The following ASAH1 variants were observed in gnomAD, a reference collection of about 807,000 sequenced individuals.
The protein encoded by ASAH1 is acid ceramidase.
Under a neutral mutation model 59.5 loss-of-function variants are expected in ASAH1, and 70 were observed. The ratio of observed to expected loss-of-function variants is 1.18; its 90% CI spans 0.97 to 1.43. The LOEUF (loss-of-function observed/expected upper bound fraction) is 1.43, where lower values mean the gene tolerates loss of function less well. Ranked by LOEUF, ASAH1 falls within the 40% of genes most tolerant of loss-of-function variation. ASAH1 has a pLI of 0.00. For synonymous variants in ASAH1, 213 were observed against 166.5 expected (o/e 1.28, Z -2.15); for missense variants, 660 against 482.5 (o/e 1.37, Z -3.45).
At chr8:18,084,595 C>A, upstream of ASAH1, 1 of 1,593,222 alleles carries the variant, frequency 6.3e-7, no homozygotes, top group South Asian at 1.1e-5. Context: ...ACCGCGGAGT[C>A]AGGGACAAGG....
At chr8:18,084,443 T>G (rs1589013135), upstream of ASAH1, 1 of 1,357,728 alleles carries the variant, frequency 7.4e-7, no homozygotes, top group Non-Finnish European at 9.7e-7. Flanking sequence ...AGCAGGCGGG[T>G]GCAGCCTGTC....
Position 18,071,163 on chromosome 8 carries a change from T to C in ASAH1, c.216+137A>G, listed in dbSNP as rs190242612. 0.014 allele frequency: 4,795 copies of C among 341,262 alleles called. 167 individuals carry two copies. Among genetic ancestry groups the C allele is most frequent in the African/African-American group, 0.078 (3,575 of 45,572 alleles). 21.1% of individuals were successfully genotyped at this position (341,262 alleles called of 1,614,324 possible). ...CGGAGGTTGCGGCGAGCTGAGATCG[T>C]GCCACTGCATTCCAGCCTGGGTGAC... On this transcript the variant is annotated intron_variant, in intron 3 of 13. Transcript: ENST00000637790.
chr8:18,067,058 A>G (rs952486109), intron 5 of ASAH1, 162 bp downstream of exon 5: 9 of 237,770 alleles, frequency 3.8e-5, no homozygotes, highest in African/African-American at 2.2e-4. Context: ...ACATGCATGC[A>G]TGCATTTCTG....
intron 5 of ASAH1, chr8:18,064,748 C>G: frequency 1.9e-6 from 1 of 533,154 alleles, no homozygotes. Flanking sequence ...TTCGGGCGAG[C>G]TGAACATCTG....
chr8:18,074,413 C>T (rs557613163), intron 2 of ASAH1, among the ~76,000 whole-genome samples: 22 of 152,300 alleles, frequency 1.4e-4, no homozygotes, highest in African/African-American at 4.6e-4. Flanking sequence ...TACAGTTTCA[C>T]GCTATCTGGG....
intron 2 of ASAH1, chr8:18,073,236 A>C (rs563366215): frequency 1.3e-6 from 2 of 1,564,806 alleles, no homozygotes; most frequent in African/African-American, 2.7e-5. Context: ...ATTTCCCCAT[A>C]AGAATAAAAG....
chr8:18,084,895 G>A (rs1800834873), upstream of ASAH1: 3 of 1,542,188 alleles, frequency 1.9e-6, no homozygotes, highest in Non-Finnish European at 2.6e-6. Context: ...GCTCGGCAGG[G>A]GGACTCGCTT....
chr8:18,075,434 C>G, intron 2 of ASAH1, 107 bp downstream of exon 2: 1 of 1,198,088 alleles, frequency 8.3e-7, no homozygotes, highest in Non-Finnish European at 1.2e-6. Flanking sequence ...GAATGGGAAA[C>G]ATGACTTAAG....
intron 12 of ASAH1, 79 bp downstream of exon 12, chr8:18,059,262 A>T: frequency 1.2e-6 from 2 of 1,602,776 alleles, no homozygotes; most frequent in Admixed American, 3.3e-5. Context: ...AAATTACTTG[A>T]AGGCCAAAGA....
At chr8:18,067,059 T>C (rs1328892391) in intron 5 of ASAH1, 161 bp downstream of exon 5, 1 of 230,352 alleles carries the variant, frequency 4.3e-6, no homozygotes, top group Non-Finnish European at 9.6e-6. Flanking sequence ...CATGCATGCA[T>C]GCATTTCTGA....
At chr8:18,067,143 A>ATATCTAAGACAAACAGCACCTGAGC in intron 5 of ASAH1, 77 bp downstream of exon 5, 1 of 1,321,252 alleles carries the variant, frequency 7.6e-7, no homozygotes, top group Non-Finnish European at 1.1e-6. Flanking sequence ...CCTGTGCTGT[A>ATATCTAAGACAAACAGCACCTGAGC]TGTATATCAC....
At chr8:18,058,781 A>G in intron 13 of ASAH1, 54 bp downstream of exon 13, 1 of 1,469,364 alleles carries the variant, frequency 6.8e-7, no homozygotes, top group Admixed American at 1.7e-5. Context: ...AAGATAAAAC[A>G]TAGGGCCAAA....
At chr8:18,071,680 T>C (rs947520460) in intron 2 of ASAH1, among the ~76,000 whole-genome samples, 4 of 150,694 alleles carry the variant, frequency 2.7e-5, no homozygotes, top group Non-Finnish European at 4.4e-5. Flanking sequence ...CTAACCTGAT[T>C]ATCACTGACG....
At chr8:18,059,181 T>C in intron 12 of ASAH1, 160 bp downstream of exon 12, 1 of 1,174,192 alleles carries the variant, frequency 8.5e-7, no homozygotes, top group Non-Finnish European at 1.2e-6. Flanking sequence ...TTTTGCTCTT[T>C]AAGTTAAGAA....
At chr8:18,082,622 A>C (rs572756705) in intron 1 of ASAH1, 11 of 152,302 alleles carry the variant, frequency 7.2e-5, no homozygotes, top group African/African-American at 2.6e-4. Context: ...TTCTAACAGC[A>C]TTCTATCTAC....
intron 2 of ASAH1, among the ~76,000 whole-genome samples, chr8:18,075,001 C>CTTT (rs769278694): frequency 2.0e-4 from 30 of 148,546 alleles, no homozygotes; most frequent in African/African-American, 3.2e-4. Context: ...AAAATCCTTT[C>CTTT]CTTTTTTTTT....
chr8:18,084,880 G>A (rs1800833650), upstream of ASAH1: 4 of 1,573,854 alleles, frequency 2.5e-6, no homozygotes, highest in Admixed American at 7.1e-5. Context: ...AGGCGGACGC[G>A]AGTAGCTCGG....
chr8:18,084,583 C>G, upstream of ASAH1: 1 of 1,575,004 alleles, frequency 6.3e-7, no homozygotes, highest in South Asian at 1.2e-5. Flanking sequence ...TTATTCATCC[C>G]CACCGCGGAG....
At chr8:18,084,778 T>G, upstream of ASAH1, 1 of 1,613,648 alleles carries the variant, frequency 6.2e-7, no homozygotes. Context: ...GAGCTTTCTC[T>G]CCCAGCCCGA....
Sources: allele counts gnomAD v4.1 joint callset (sites outside exome capture counted in the v4.1 genomes callset), GRCh38; gene constraint gnomAD v4.1.1; transcripts MANE v1.5; gene names NCBI Gene and HGNC (gene_info 2026-07-23, HGNC 2026-07-21).